Variants in CLSTN1 observed in about 807,000 individuals in gnomAD.
CLSTN1 encodes the protein calsyntenin 1.
Under a neutral mutation model 108.3 loss-of-function variants are expected in CLSTN1, and 28 were observed. The ratio of observed to expected loss-of-function variants is 0.26; its 90% CI spans 0.19 to 0.35. The LOEUF (loss-of-function observed/expected upper bound fraction) is 0.35. CLSTN1 is among the 10% of genes least tolerant of loss of function. The pLI is 1.00. For missense variants in CLSTN1, 1,157 were observed against 1,302.6 expected (o/e 0.89, Z 1.72); for synonymous variants, 524 against 534.9 (o/e 0.98, Z 0.28).
intron 1 of CLSTN1, among the ~76,000 whole-genome samples, chr1:9,802,667 T>C (rs1392285371): frequency 6.6e-6 from 1 of 152,152 alleles, no homozygotes; most frequent in Non-Finnish European, 1.5e-5. Context: ...TTCATTCTAC[T>C]TTCCCTATTC....
chr1:9,730,057 C>G lies in CLSTN1; in HGVS notation c.*451G>C, dbSNP rs1168471788. ...ATCTACACAGTACCCCCCATCCTGC[C>G]ATTATTTATACATGCACTAGTTTGG... On this transcript the variant is annotated 3_prime_UTR_variant, in exon 19 of 19. Coordinates refer to ENST00000377298, the MANE Select transcript of CLSTN1 (RefSeq NM_001009566.3). The surrounding 1 kb of genome is among the most constrained non-coding windows in gnomAD (Gnocchi z 5.6). 5.2e-6 allele frequency: 1 copy of G among 192,330 alleles called. No individual in the cohort carries two copies. The allele number at this position is 192,330 out of a possible 1,614,324, so 11.9% of individuals were successfully genotyped here. A position where few individuals can be genotyped will look rare whatever the true frequency, so the allele number is the denominator to read the frequency against.
At chr1:9,783,900 G>A (rs1469775184) in intron 1 of CLSTN1, among the ~76,000 whole-genome samples, 3 of 152,110 alleles carry the variant, frequency 2.0e-5, no homozygotes, top group African/African-American at 7.2e-5. Context: ...GGCTGAGACA[G>A]GAGAATTGCT....
intron 1 of CLSTN1, among the ~76,000 whole-genome samples, chr1:9,805,087 T>A (rs1654449742): frequency 1.3e-5 from 2 of 151,726 alleles, no homozygotes; most frequent in Admixed American, 1.3e-4. Context: ...GCCATAGTAC[T>A]CCAGCCTGGG....
chr1:9,793,603 A>G (rs977618690), intron 1 of CLSTN1, among the ~76,000 whole-genome samples: 1 of 151,552 alleles, frequency 6.6e-6, no homozygotes, highest in South Asian at 2.2e-4. Context: ...TAAGCAAAGA[A>G]GGGAGGTTAT....
intron 1 of CLSTN1, among the ~76,000 whole-genome samples, chr1:9,788,840 G>A (rs941362731): frequency 7.8e-6 from 1 of 128,144 alleles, no homozygotes; most frequent in Non-Finnish European, 1.5e-5. Context: ...TGCACTCCAA[G>A]CTGGGCGACA....
At position 9,789,763 on chromosome 1, in the gene CLSTN1, G is replaced by C. The variant is rs1653676075; in HGVS notation, c.92-16369C>G. On this transcript the variant is annotated intron_variant, in intron 1 of 18. Transcript: ENST00000377298. ...GGAGGCTAAGGAGAGTGGATTGCTT[G>C]AGCCCAAGAGTTCAAAATCAGCTAA... 1.3e-5 allele frequency among the ~76,000 whole-genome samples: 2 copies of C among 151,496 alleles called. 1 individual carries two copies. The highest frequency in any genetic ancestry group is 1.3e-4 in the Admixed American group (2 of 14,988).
intron 16 of CLSTN1, among the ~76,000 whole-genome samples, chr1:9,732,707 G>T (rs113373210): frequency 6.6e-6 from 1 of 152,230 alleles, no homozygotes; most frequent in South Asian, 2.1e-4. Context: ...CAGAGCAGGA[G>T]GAGCTACCCT....
chr1:9,808,746 A>C (rs1654610812), intron 1 of CLSTN1, among the ~76,000 whole-genome samples: 1 of 152,078 alleles, frequency 6.6e-6, no homozygotes, highest in Non-Finnish European at 1.5e-5. Context: ...GCACGGACTC[A>C]CATTGGTTGG....
chr1:9,758,581 T>C lies in CLSTN1; in HGVS notation c.215-2071A>G, dbSNP rs192702531. Among the ~76,000 whole-genome samples, 6 of 152,348 alleles carry C rather than the reference T, an allele frequency of 3.9e-5. No homozygotes were observed. The East Asian group carries it at 1.2e-3, about 29-fold the overall frequency. ...CGCCCGCCTCCGCCTCCCAAAGTAC[T>C]GGGATTACAGGCGTGAGTCACCGCA... On this transcript the variant is annotated intron_variant, in intron 2 of 18. Transcript: ENST00000377298.
intron 2 of CLSTN1, among the ~76,000 whole-genome samples, chr1:9,772,078 G>C (rs1006076452): frequency 6.9e-6 from 1 of 144,036 alleles, no homozygotes; most frequent in African/African-American, 2.6e-5. Context: ...CTGGGTTCAC[G>C]CCATTCTCCT....
At chr1:9,821,487 T>A (rs1655188535) in intron 1 of CLSTN1, among the ~76,000 whole-genome samples, 1 of 152,212 alleles carries the variant, frequency 6.6e-6, no homozygotes, top group South Asian at 2.1e-4. Flanking sequence ...TTTGAGGGTC[T>A]CTACAAAACT....
At chr1:9,738,794 G>T (rs1490411521) in intron 10 of CLSTN1, among the ~76,000 whole-genome samples, 1 of 152,042 alleles carries the variant, frequency 6.6e-6, no homozygotes, top group East Asian at 1.9e-4. Context: ...GATTACAGGC[G>T]CACGCCACCA....
intron 4 of CLSTN1, among the ~76,000 whole-genome samples, chr1:9,752,041 C>T (rs1453130662): frequency 6.6e-6 from 1 of 151,320 alleles, no homozygotes; most frequent in South Asian, 2.1e-4. Context: ...GTTTGCTCTC[C>T]AATTATAAAG....
In CLSTN1 at chr1:9,823,619, G is replaced by T; in HGVS notation, c.91+24C>A. 1 of 1,176,378 alleles carries T rather than the reference G, an allele frequency of 8.5e-7. No homozygotes were observed. Among genetic ancestry groups the T allele is most frequent in the Non-Finnish European group, 1.1e-6 (1 of 949,866 alleles). 72.9% of individuals were successfully genotyped at this position (1,176,378 alleles called of 1,614,324 possible). Reference sequence around the variant, plus strand: ...ACCCGAATCCCGCACCGACCCAGCGGCCCGGCCCAGCCCCGGGGCTTACCT... The same window carrying T: ...ACCCGAATCCCGCACCGACCCAGCGTCCCGGCCCAGCCCCGGGGCTTACCT... On this transcript the variant is annotated intron_variant, in intron 1 of 18. Transcript: ENST00000377298. The surrounding 1 kb of genome is among the most constrained non-coding windows in gnomAD (Gnocchi z 6.3).
chr1:9,815,942 A>T (rs12116696), intron 1 of CLSTN1, among the ~76,000 whole-genome samples: 1 of 152,190 alleles, frequency 6.6e-6, no homozygotes, highest in Admixed American at 6.5e-5. Flanking sequence ...CCTCAAAAAA[A>T]AATTTTTTTA....
intron 1 of CLSTN1, among the ~76,000 whole-genome samples, chr1:9,800,685 G>A (rs1326213146): frequency 2.7e-5 from 4 of 150,196 alleles, no homozygotes; most frequent in Admixed American, 2.0e-4. Context: ...AGCCATGATC[G>A]TGCCACTGCA....
At chr1:9,787,086 C>A (rs1653531389) in intron 1 of CLSTN1, among the ~76,000 whole-genome samples, 2 of 151,072 alleles carry the variant, frequency 1.3e-5, no homozygotes, top group African/African-American at 4.8e-5. Flanking sequence ...GCTGAGACTG[C>A]AGTTTAGAGT....
chr1:9,775,890 G>A (rs938742440), intron 1 of CLSTN1, among the ~76,000 whole-genome samples: 1 of 152,100 alleles, frequency 6.6e-6, no homozygotes, highest in Non-Finnish European at 1.5e-5. Context: ...CAGGGAGGGG[G>A]GTCACGCTCA....
chr1:9,731,054 G>C, intron 18 of CLSTN1, 152 bp downstream of exon 18: 1 of 878,054 alleles, frequency 1.1e-6, no homozygotes, highest in Non-Finnish European at 1.8e-6. Flanking sequence ...TCTCAGCCTC[G>C]GTTTACCCAC....
Sources: allele counts gnomAD v4.1 joint callset (sites outside exome capture counted in the v4.1 genomes callset), GRCh38; gene constraint gnomAD v4.1.1; non-coding constraint Gnocchi (gnomAD v3.1); transcripts MANE v1.5; gene names NCBI Gene and HGNC (gene_info 2026-07-23, HGNC 2026-07-21).